The following CTNNA1 variants were observed in gnomAD, a reference collection of about 807,000 sequenced individuals.
CTNNA1 encodes the protein catenin alpha-1.
Under a neutral mutation model 98.4 loss-of-function variants are expected in CTNNA1, and 37 were observed. The ratio of observed to expected loss-of-function variants is 0.38; its 90% CI spans 0.29 to 0.49. The LOEUF (loss-of-function observed/expected upper bound fraction) is 0.49, where lower values mean the gene tolerates loss of function less well. Ranked by LOEUF, CTNNA1 falls within the 20% of genes least tolerant of loss-of-function variation. The pLI, the probability that CTNNA1 is intolerant of heterozygous loss-of-function variation, is 0.95. For missense variants in CTNNA1, 761 were observed against 1,147.2 expected (o/e 0.66, Z 4.86); for synonymous variants, 404 against 413.2 (o/e 0.98, Z 0.27).
At chr5:138,828,491 G>C (rs1460117557) in intron 7 of CTNNA1, among the ~76,000 whole-genome samples, 1 of 151,868 alleles carries the variant, frequency 6.6e-6, no homozygotes, top group African/African-American at 2.4e-5. Flanking sequence ...CTAGCTTAGG[G>C]TTCCTGTCAT....
chr5:138,927,911 G>T (rs2150315847), intron 13 of CTNNA1, among the ~76,000 whole-genome samples: 1 of 152,218 alleles, frequency 6.6e-6, no homozygotes, highest in South Asian at 2.1e-4. Context: ...TGTCAGTGCT[G>T]GCATTGTGTT....
In CTNNA1 at chr5:138,934,183, C is replaced by T. The variant is rs1249387267; in HGVS notation, c.*94C>T. Reference sequence around the variant, plus strand: ...GAATTTGCTAAATACAACACTGATACTAGATTCCACAGGGAAATGGGCAGA... The same window carrying T: ...GAATTTGCTAAATACAACACTGATATTAGATTCCACAGGGAAATGGGCAGA... On this transcript the variant is annotated 3_prime_UTR_variant, in exon 18 of 18. Transcript: ENST00000302763. 2 of 900,044 alleles carry T rather than the reference C, an allele frequency of 2.2e-6. No homozygotes were observed. The highest frequency in any genetic ancestry group is 1.7e-5 in the African/African-American group (1 of 60,250). The allele number at this position is 900,044 out of a possible 1,614,324, so 55.8% of individuals were successfully genotyped here.
chr5:138,881,514 C>G (rs914008027), intron 7 of CTNNA1, among the ~76,000 whole-genome samples: 8 of 152,204 alleles, frequency 5.3e-5, no homozygotes, highest in African/African-American at 1.9e-4. Flanking sequence ...CTAAAAGCTG[C>G]TAGTTTCCCT....
chr5:138,844,137 T>TTTTA (rs1762503081), intron 7 of CTNNA1, among the ~76,000 whole-genome samples: 1 of 152,076 alleles, frequency 6.6e-6, no homozygotes, highest in Admixed American at 6.6e-5. Context: ...AGGCAGAGCA[T>TTTTA]TTTAAAAATT....
intron 7 of CTNNA1, among the ~76,000 whole-genome samples, chr5:138,839,254 T>C (rs1762066572): frequency 6.6e-6 from 1 of 152,184 alleles, no homozygotes; most frequent in Non-Finnish European, 1.5e-5. Flanking sequence ...GACGAAGTCT[T>C]GCTCTGTTGC....
At chr5:138,830,705 A>G (rs1025754514) in intron 7 of CTNNA1, among the ~76,000 whole-genome samples, 1 of 152,242 alleles carries the variant, frequency 6.6e-6, no homozygotes, top group East Asian at 1.9e-4. Flanking sequence ...CAGTCAGTTC[A>G]TTCTGAGTAT....
chr5:138,934,403 A>T lies in CTNNA1; in HGVS notation c.*314A>T, dbSNP rs1766100132. The T allele has an allele frequency of 3.4e-6, 1 of 293,168 alleles. No homozygotes were observed. The highest frequency in any genetic ancestry group is 4.9e-5 in the Admixed American group (1 of 20,410). 18.2% of individuals were successfully genotyped at this position (293,168 alleles called of 1,614,324 possible). On this transcript the variant is annotated 3_prime_UTR_variant, in exon 18 of 18. Transcript: ENST00000302763. ...AGCCGAGATGCCCATTCTCTTAGTGATGGCGGCGTTAGGGTTTGAGAGAAG... is the reference window on the plus strand; with the variant it reads ...AGCCGAGATGCCCATTCTCTTAGTGTTGGCGGCGTTAGGGTTTGAGAGAAG...
In CTNNA1 at chr5:138,811,845, T is replaced by C. The variant is rs1008202746; in HGVS notation, c.469-338T>C. ...GAGGCAGGAAAATCAGGCAGGGAGG[T>C]TGCAGTGAGCCGAGATGGCAGCAGT... On this transcript the variant is annotated intron_variant, in intron 4 of 17. Coordinates refer to ENST00000302763, the MANE Select transcript of CTNNA1 (RefSeq NM_001903.5). 61 of 184,074 alleles carry C rather than the reference T, an allele frequency of 3.3e-4. 1 individual carries two copies. The highest frequency in any genetic ancestry group is 5.9e-4 in the Non-Finnish European group (52 of 88,806). The allele number at this position is 184,074 out of a possible 1,614,324, so 11.4% of individuals were successfully genotyped here.
intron 3 of CTNNA1, among the ~76,000 whole-genome samples, chr5:138,786,404 C>T (rs781213195): frequency 1.3e-5 from 2 of 152,062 alleles, no homozygotes; most frequent in African/African-American, 2.4e-5. Context: ...GACTTGTTGG[C>T]TATGTCGTTG....
At chr5:138,908,292 T>A (rs1759739841) in intron 10 of CTNNA1, among the ~76,000 whole-genome samples, 1 of 152,088 alleles carries the variant, frequency 6.6e-6, no homozygotes, top group Non-Finnish European at 1.5e-5. Flanking sequence ...TATAGCAAAT[T>A]AACTTTTGAG....
chr5:138,887,719 A>T lies in CTNNA1; in HGVS notation c.1296+77A>T, dbSNP rs1010575821. ...TGAGTTTTAATCACATTATTTAATC[A>T]GTTAAAATTTGTAAGGGCTCGCTTA... On this transcript the variant is annotated intron_variant, in intron 9 of 17. Coordinates refer to ENST00000302763, the MANE Select transcript of CTNNA1 (RefSeq NM_001903.5). 2.3e-6 allele frequency: 3 copies of T among 1,297,866 alleles called. No individual in the cohort carries two copies. In the African/African-American group the frequency reaches 4.5e-5, roughly 19 times the overall value. 80.4% of individuals were successfully genotyped at this position (1,297,866 alleles called of 1,614,324 possible).
intron 8 of CTNNA1, 32 bp from the exon 9 acceptor site, chr5:138,887,447 TTTTGGTAGAAA>T: frequency 6.8e-7 from 1 of 1,481,276 alleles, no homozygotes; most frequent in Non-Finnish European, 9.2e-7. Context: ...TTTAATACCT[TTTTGGTAGAAA>T]TAAAATCAAA....
At chr5:138,842,616 G>T (rs1038250024) in intron 7 of CTNNA1, among the ~76,000 whole-genome samples, 1 of 152,138 alleles carries the variant, frequency 6.6e-6, no homozygotes, top group African/African-American at 2.4e-5. Flanking sequence ...TATGCCAGAG[G>T]TTGCAAATTT....
Position 138,753,465 on chromosome 5 carries a change from T to G in CTNNA1, c.-48T>G. On this transcript the variant is annotated 5_prime_UTR_variant, in exon 1 of 18. Coordinates refer to ENST00000302763, the MANE Select transcript of CTNNA1 (RefSeq NM_001903.5). Reference sequence around the variant, plus strand: ...CTGGAGGGAGACAAAGCAGCGCCCGTCTGCTTCGGGCCTCTGGAATTTAGC... The same window carrying G: ...CTGGAGGGAGACAAAGCAGCGCCCGGCTGCTTCGGGCCTCTGGAATTTAGC... 2.7e-6 allele frequency: 1 copy of G among 376,168 alleles called. No homozygotes were observed. The highest frequency in any genetic ancestry group is 6.9e-4 in the Middle Eastern group (1 of 1,448). 23.3% of individuals were successfully genotyped at this position (376,168 alleles called of 1,614,324 possible).
chr5:138,915,268 T>C (rs1447762258), intron 10 of CTNNA1, among the ~76,000 whole-genome samples: 1 of 152,214 alleles, frequency 6.6e-6, no homozygotes, highest in East Asian at 1.9e-4. Flanking sequence ...ATTCACTTAT[T>C]CAATGAATAC....
chr5:138,841,495 G>A (rs1287966964), intron 7 of CTNNA1, among the ~76,000 whole-genome samples: 1 of 152,058 alleles, frequency 6.6e-6, no homozygotes, highest in African/African-American at 2.4e-5. Context: ...CCTGACCTCA[G>A]GTGATCAACC....
chr5:138,881,010 C>G (rs1477844704), intron 7 of CTNNA1: 1 of 454,198 alleles, frequency 2.2e-6, no homozygotes, highest in Non-Finnish European at 4.4e-6. Context: ...CCAAAGAGAA[C>G]AAGATCATTT....
intron 7 of CTNNA1, chr5:138,875,461 G>A (rs1401535700): frequency 3.0e-6 from 3 of 985,438 alleles, no homozygotes; most frequent in Non-Finnish European, 3.6e-6. Context: ...TAACAGCATC[G>A]GGGTCGTTGC....
chr5:138,930,980 G>A lies in CTNNA1; in HGVS notation c.2298+45G>A. On this transcript the variant is annotated intron_variant, in intron 16 of 17. Coordinates refer to ENST00000302763, the MANE Select transcript of CTNNA1 (RefSeq NM_001903.5). ...GGTGGGTCTCCAAGCTCCTCCTGGGGCTCAGGCAGCCCAGCCTGGTCCATT... is the reference window on the plus strand; with the variant it reads ...GGTGGGTCTCCAAGCTCCTCCTGGGACTCAGGCAGCCCAGCCTGGTCCATT... 2.3e-6 allele frequency: 3 copies of A among 1,288,766 alleles called. No homozygotes were observed. The South Asian group carries it at 3.6e-5, about 15-fold the overall frequency. 79.8% of individuals were successfully genotyped at this position (1,288,766 alleles called of 1,614,324 possible). A position where few individuals can be genotyped will look rare whatever the true frequency, so the allele number is the denominator to read the frequency against.
Sources: allele counts gnomAD v4.1 joint callset (sites outside exome capture counted in the v4.1 genomes callset), GRCh38; gene constraint gnomAD v4.1.1; transcripts MANE v1.5; gene names NCBI Gene and HGNC (gene_info 2026-07-23, HGNC 2026-07-21).